The following HAUS8 variants were observed in gnomAD, a reference collection of about 807,000 sequenced individuals.
HAUS8 encodes HAUS augmin-like complex subunit 8.
A neutral mutation model predicts 42.9 loss-of-function variants in HAUS8; 38 were observed. The ratio of observed to expected loss-of-function variants is 0.89; its 90% CI spans 0.68 to 1.16. HAUS8 has a LOEUF of 1.16. Ranked by LOEUF, HAUS8 falls within the 50% of genes most tolerant of loss-of-function variation. The probability of loss-of-function intolerance (pLI) is 0.00; values close to 1 mark genes in which losing one functional copy is unlikely to be tolerated. For synonymous variants in HAUS8, 199 were observed against 205.8 expected (o/e 0.97, Z 0.28); for missense variants, 494 against 511.6 (o/e 0.97, Z 0.33).
chr19:17,051,466 C>T (rs1028426672), intron 10 of HAUS8, among the ~76,000 whole-genome samples: 5 of 151,898 alleles, frequency 3.3e-5, no homozygotes, highest in Non-Finnish European at 7.4e-5. Context: ...GTGCAAGCCA[C>T]TGCACAGTCC....
rs2057382648 is a variant in HAUS8, at chr19:17,065,571, TG to T, written c.148-2793del. ...GGAGCTGGGCGTGGTGGCTCATGCC[TG>T]TAATCCCAGCACTTTGAGAGGCCGA... On this transcript the variant is annotated intron_variant, in intron 3 of 10. Coordinates refer to ENST00000253669, the MANE Select transcript of HAUS8 (RefSeq NM_033417.2). Among the ~76,000 whole-genome samples, 5 of 152,276 alleles carry T rather than the reference TG, an allele frequency of 3.3e-5. No individual in the cohort carries two copies. The South Asian group carries it at 1.0e-3, about 32-fold the overall frequency.
At chr19:17,067,604 C>T (rs904493392) in intron 3 of HAUS8, among the ~76,000 whole-genome samples, 1 of 152,096 alleles carries the variant, frequency 6.6e-6, no homozygotes, top group African/African-American at 2.4e-5. Flanking sequence ...TGTTACAGCA[C>T]GCAGACACAC....
intron 3 of HAUS8, among the ~76,000 whole-genome samples, chr19:17,063,880 A>C (rs1207391084): frequency 6.6e-6 from 1 of 152,154 alleles, no homozygotes; most frequent in Non-Finnish European, 1.5e-5. Context: ...CTAAACCACC[A>C]ACCTTCCTGG....
chr19:17,075,139 C>A (rs991053707), intron 1 of HAUS8: 9 of 551,856 alleles, frequency 1.6e-5, no homozygotes, highest in Middle Eastern at 4.8e-4. Context: ...GAAAGCGAGG[C>A]ACTGGGCGGT....
At chr19:17,056,670 A>C (rs1324038183) in intron 8 of HAUS8, among the ~76,000 whole-genome samples, 2 of 152,086 alleles carry the variant, frequency 1.3e-5, no homozygotes, top group Non-Finnish European at 2.9e-5. Flanking sequence ...GGCTCACTGC[A>C]ACCTCTGCCT....
Position 17,060,054 on chromosome 19 carries a change from T to A in HAUS8, c.268A>T (p.Thr90Ser). The change falls in exon 5 of 11, where the codon ACG becomes TCG. Residue 90 changes from threonine (T) to serine (S), a missense_variant. By Grantham distance (58) the Thr-to-Ser change is moderately conservative. Coordinates refer to ENST00000253669, the MANE Select transcript of HAUS8 (RefSeq NM_033417.2). Reference sequence around the variant, plus strand: ...GCTGTGCCATGCCCTTCCAGCAACGTGGACTGCAGGTCACCCTTTCCGACC... The same window carrying A: ...GCTGTGCCATGCCCTTCCAGCAACGAGGACTGCAGGTCACCCTTTCCGACC... ...SGVGKGDLQS[T>S]LLEGHGTAPP... The A allele has an allele frequency of 6.2e-7, 1 of 1,613,700 alleles. No individual in the cohort carries two copies.
Position 17,049,993 on chromosome 19 carries a change from G to C in HAUS8, c.1113C>G (p.Asn371Lys). Residue 371 changes from asparagine to lysine, a missense_variant, in exon 11 of 11, where the codon AAC becomes AAG. By Grantham distance (94) the Asn-to-Lys change is moderately conservative. Transcript: ENST00000253669. Reference sequence around the variant, plus strand: ...GAGCGGGGGCTGACGAGGCACCCGGGTTGTCGTCCTCAGACAGGGGCGTGT... The same window carrying C: ...GAGCGGGGGCTGACGAGGCACCCGGCTTGTCGTCCTCAGACAGGGGCGTGT... The part of the protein sequence containing the change: ...PKNTPLSEDD[N>K]PGASSAPAQA... 6.2e-7 allele frequency: 1 copy of C among 1,604,180 alleles called. No individual in the cohort carries two copies. Among genetic ancestry groups the C allele is most frequent in the Non-Finnish European group, 8.5e-7 (1 of 1,175,822 alleles).
intron 10 of HAUS8, among the ~76,000 whole-genome samples, chr19:17,050,609 A>T (rs1205293298): frequency 3.3e-5 from 5 of 152,148 alleles, no homozygotes; most frequent in Admixed American, 6.6e-5. Context: ...AAATTTTTTT[A>T]AAAATACTGG....
At chr19:17,067,343 A>G (rs2057393148) in intron 3 of HAUS8, among the ~76,000 whole-genome samples, 2 of 152,212 alleles carry the variant, frequency 1.3e-5, no homozygotes, top group African/African-American at 4.8e-5. Flanking sequence ...CTTCTAAAAA[A>G]GGCAAAAATG....
At chr19:17,059,439 G>C (rs2057346220) in intron 6 of HAUS8, 118 bp downstream of exon 6, 1 of 694,590 alleles carries the variant, frequency 1.4e-6, no homozygotes, top group Non-Finnish European at 2.6e-6. Context: ...TTGTCCTAAA[G>C]GGCATGGGTG....
In HAUS8 at chr19:17,062,681, C is replaced by T. The variant is rs780982990; in HGVS notation, c.229+17G>A. On this transcript the variant is annotated intron_variant, in intron 4 of 10. Transcript: ENST00000253669. ...TGCCGCGCTCATCACTGCCCGAGGA[C>T]CATGGCTGTTTCGCACCTTTGCTTT... 6.2e-7 allele frequency: 1 copy of T among 1,608,538 alleles called. No individual in the cohort carries two copies. Among genetic ancestry groups the T allele is most frequent in the South Asian group, 1.1e-5 (1 of 90,958 alleles).
At chr19:17,075,335 C>G (rs1600000413) in intron 1 of HAUS8, 59 bp downstream of exon 1, 21 of 1,587,216 alleles carry the variant, frequency 1.3e-5, no homozygotes, top group Non-Finnish European at 1.7e-5. Context: ...ACCTCCGCTG[C>G]CCATCCTCTC....
intron 8 of HAUS8, among the ~76,000 whole-genome samples, chr19:17,058,102 C>A (rs186515073): frequency 1.3e-5 from 2 of 152,372 alleles, no homozygotes; most frequent in East Asian, 3.9e-4. Context: ...CCACAGGAAA[C>A]TCACCCACTG....
chr19:17,067,002 C>G (rs1035724711), intron 3 of HAUS8, among the ~76,000 whole-genome samples: 1 of 151,976 alleles, frequency 6.6e-6, no homozygotes, highest in Non-Finnish European at 1.5e-5. Flanking sequence ...GCCAGGAGTT[C>G]GAGACCAGCC....
intron 2 of HAUS8, among the ~76,000 whole-genome samples, chr19:17,070,168 C>G (rs1004993554): frequency 3.3e-5 from 5 of 151,840 alleles, no homozygotes; most frequent in Admixed American, 3.3e-4. Flanking sequence ...TCTCCTTTCT[C>G]CTTCCCTTGA....
intron 2 of HAUS8, among the ~76,000 whole-genome samples, chr19:17,072,416 C>T (rs1315888096): frequency 1.4e-5 from 2 of 142,040 alleles, no homozygotes; most frequent in Non-Finnish European, 3.0e-5. Context: ...GATCTCGGCT[C>T]ACAGCAACCT....
In HAUS8 at chr19:17,075,402, T is replaced by C. The variant is rs929221426; in HGVS notation, c.21A>G (p.Arg7=). The C allele has an allele frequency of 2.5e-6, 4 of 1,613,628 alleles. No homozygotes were observed. In the African/African-American group the frequency reaches 5.3e-5, roughly 22 times the overall value. The change falls in exon 1 of 11, where the codon CGA becomes CGG. Residue 7 remains arginine (R), a synonymous_variant. Transcript: ENST00000253669. MADSSG[R]GAGKPATGPT... ...CGGAAGCCCCAACTCACCCAGCGCC[T>C]CGCCCCGAGGAATCCGCCATTTTCC...
chr19:17,062,794 C>A lies in HAUS8; in HGVS notation c.148-15G>T. The A allele has an allele frequency of 6.3e-7, 1 of 1,598,600 alleles. No individual in the cohort carries two copies. Among genetic ancestry groups the A allele is most frequent in the Non-Finnish European group, 8.6e-7 (1 of 1,165,976 alleles). On this transcript the variant is annotated splice_polypyrimidine_tract_variant and intron_variant, in intron 3 of 10. Coordinates refer to ENST00000253669, the MANE Select transcript of HAUS8 (RefSeq NM_033417.2). ...CCTGCAGGAGCCTGTTATGGGAACA[C>A]ATGACACTCAGAGGACAAGACATCC...
In HAUS8 at chr19:17,050,003, T is replaced by A. The variant is rs564305459; in HGVS notation, c.1103A>T (p.Glu368Val). The change falls in exon 11 of 11, where the codon GAG (glutamate) becomes GTG (valine). Residue 368 changes from glutamate to valine, a missense_variant. Coordinates refer to ENST00000253669, the MANE Select transcript of HAUS8 (RefSeq NM_033417.2). ...TGACGAGGCACCCGGGTTGTCGTCC[T>A]CAGACAGGGGCGTGTTCTTGGGTGC... ...GGAPKNTPLS[E>V]DDNPGASSAP... is the part of the protein sequence containing the mutation. 1 of 1,606,822 alleles carries A rather than the reference T, an allele frequency of 6.2e-7. No individual in the cohort carries two copies. The highest frequency in any genetic ancestry group is 8.5e-7 in the Non-Finnish European group (1 of 1,177,076).
Sources: gnomAD v4.1 joint callset for allele counts (sites outside exome capture counted in the v4.1 genomes callset) on GRCh38, gnomAD v4.1.1 for gene constraint, MANE v1.5 for transcripts, NCBI Gene and HGNC (gene_info 2026-07-23, HGNC 2026-07-21) for gene names.